LUC7L3: variants seen among roughly 807,000 people sequenced by gnomAD.
LUC7L3 encodes luc7-like protein 3.
Under a neutral mutation model 66.8 loss-of-function variants are expected in LUC7L3, and 6 were observed. That is an observed-to-expected ratio of 0.09 (90% CI 0.05 to 0.18). The LOEUF is 0.18. LUC7L3 is among the 10% of genes least tolerant of loss of function. The probability of loss-of-function intolerance (pLI) is 1.00; values close to 1 mark genes in which losing one functional copy is unlikely to be tolerated. For synonymous variants in LUC7L3, 160 were observed against 174.7 expected (o/e 0.92, Z 0.66); for missense variants, 341 against 531.1 (o/e 0.64, Z 3.52).
intron 2 of LUC7L3, among the ~76,000 whole-genome samples, chr17:50,737,926 AAG>A (rs1177180282): frequency 6.6e-6 from 1 of 152,204 alleles, no homozygotes. Flanking sequence ...GGATACATAA[AAG>A]AAGTCAATTC....
intron 1 of LUC7L3, among the ~76,000 whole-genome samples, chr17:50,729,922 A>G (rs28688415): frequency 5.2e-4 from 18 of 34,366 alleles, no homozygotes; most frequent in East Asian, 1.3e-3. Flanking sequence ...ATATATATAT[A>G]TATATATATA....
intron 7 of LUC7L3, among the ~76,000 whole-genome samples, chr17:50,745,150 C>G (rs994971962): frequency 2.0e-5 from 3 of 152,056 alleles, no homozygotes; most frequent in African/African-American, 7.2e-5. Context: ...CTACCACGCC[C>G]GGCTGATTTT....
At chr17:50,745,569 C>A in intron 7 of LUC7L3, 151 bp from the exon 8 acceptor site, 1 of 580,480 alleles carries the variant, frequency 1.7e-6, no homozygotes, top group Non-Finnish European at 3.1e-6. Context: ...ATAATGATAC[C>A]TTGTGTATAT....
At chr17:50,729,922 ATATATATATATATATATATATATG>A (rs1187408236) in intron 1 of LUC7L3, among the ~76,000 whole-genome samples, 30 of 34,396 alleles carry the variant, frequency 8.7e-4, no homozygotes, top group African/African-American at 1.6e-3. Flanking sequence ...ATATATATAT[ATATATATATATATATATATATATG>A]TATGTATTTT....
intron 1 of LUC7L3, among the ~76,000 whole-genome samples, chr17:50,735,895 G>A (rs1045504925): frequency 3.3e-5 from 5 of 152,340 alleles, no homozygotes; most frequent in Non-Finnish European, 7.3e-5. Context: ...CACGTTGGGA[G>A]GCCAAGACGG....
chr17:50,749,963 T>G (rs766183294), intron 9 of LUC7L3, among the ~76,000 whole-genome samples: 6 of 152,224 alleles, frequency 3.9e-5, no homozygotes, highest in Admixed American at 6.5e-5. Context: ...TTGCTTAGAT[T>G]GGGATTTAAG....
rs1970984462 is a variant in LUC7L3, at chr17:50,751,795, C to T, written c.*1134C>T. 3.0e-6 allele frequency: 3 copies of T among 1,016,850 alleles called. No individual in the cohort carries two copies. Among genetic ancestry groups the T allele is most frequent in the Non-Finnish European group, 3.5e-6 (3 of 848,390 alleles). 63.0% of individuals were successfully genotyped at this position (1,016,850 alleles called of 1,614,324 possible). ...GACAGACACCTTCAATTTGTGAAAT[C>T]AAAGAACTGATGCACTATATAGAAC... is the stretch of plus-strand genomic sequence containing the variant. On this transcript the variant is annotated 3_prime_UTR_variant, in exon 10 of 10. Transcript: ENST00000505658.
Position 50,750,582 on chromosome 17 carries a change from C to G in LUC7L3, c.1220C>G (p.Ser407Trp), listed in dbSNP as rs367899840. 16 of 1,613,906 alleles carry G rather than the reference C, an allele frequency of 9.9e-6. No homozygotes were observed. Among genetic ancestry groups the G allele is most frequent in the Non-Finnish European group, 1.2e-5 (14 of 1,179,948 alleles). ...CAGAGTGAAGACACAAACACTGAAT[C>G]GAAGGAAAGTGATACTAAGAATGAG... ...EKQSEDTNTESKESDTKNEVN... is the reference protein window; with the variant it reads ...EKQSEDTNTEWKESDTKNEVN... Residue 407 changes from serine to tryptophan, a missense_variant, in exon 10 of 10, where the codon TCG becomes TGG. Physicochemically the swap from Ser to Trp is radical, Grantham distance 177. Transcript: ENST00000505658.
At chr17:50,736,846 C>T (rs1970015710) in intron 1 of LUC7L3, 114 bp from the exon 2 acceptor site, 1 of 661,548 alleles carries the variant, frequency 1.5e-6, no homozygotes, top group Non-Finnish European at 2.6e-6. Flanking sequence ...GAAATTCTTA[C>T]ATTGGTTGAA....
chr17:50,723,139 AT>A (rs1968903695), intron 1 of LUC7L3: 1 of 152,268 alleles, frequency 6.6e-6, no homozygotes, highest in East Asian at 1.9e-4. Flanking sequence ...GAGTTTTGTT[AT>A]TTTTTATGTA....
chr17:50,743,490 G>A (rs1352023619), intron 5 of LUC7L3, among the ~76,000 whole-genome samples: 3 of 152,116 alleles, frequency 2.0e-5, no homozygotes, highest in African/African-American at 7.2e-5. Context: ...ACAGGCATGA[G>A]CCATCGCGTC....
chr17:50,738,234 C>CTT (rs974050607), intron 2 of LUC7L3: 1 of 418,962 alleles, frequency 2.4e-6, no homozygotes, highest in African/African-American at 2.1e-5. Flanking sequence ...AAAAGAAAGT[C>CTT]TTACTGCCTG....
chr17:50,738,836 C>G (rs966759199), intron 2 of LUC7L3, among the ~76,000 whole-genome samples: 3 of 151,712 alleles, frequency 2.0e-5, no homozygotes, highest in Non-Finnish European at 2.9e-5. Context: ...TACAAGTGAT[C>G]AGGACAGTGA....
At chr17:50,737,476 C>G (rs1230569128) in intron 2 of LUC7L3, 2 of 322,490 alleles carry the variant, frequency 6.2e-6, no homozygotes, top group Non-Finnish European at 1.2e-5. Flanking sequence ...TTTGGAGGCA[C>G]CAGGTACCAC....
intron 2 of LUC7L3, chr17:50,737,369 G>C: frequency 2.1e-6 from 1 of 469,430 alleles, no homozygotes; most frequent in Non-Finnish European, 4.2e-6. Flanking sequence ...AGCAGCAAAC[G>C]CAACAGAGCA....
intron 1 of LUC7L3, among the ~76,000 whole-genome samples, chr17:50,734,137 G>GT (rs1969824971): frequency 6.6e-6 from 1 of 150,958 alleles, no homozygotes; most frequent in Non-Finnish European, 1.5e-5. Flanking sequence ...TGACAACAAT[G>GT]TTTAAGTTAC....
At chr17:50,731,030 A>G (rs1304238959) in intron 1 of LUC7L3, among the ~76,000 whole-genome samples, 6 of 152,214 alleles carry the variant, frequency 3.9e-5, no homozygotes, top group African/African-American at 1.4e-4. Flanking sequence ...ATGATTATGT[A>G]GGTATTTAGA....
chr17:50,733,017 G>GT (rs1356981696), intron 1 of LUC7L3, among the ~76,000 whole-genome samples: 1 of 152,068 alleles, frequency 6.6e-6, no homozygotes, highest in Non-Finnish European at 1.5e-5. Flanking sequence ...TCGTTTTTTT[G>GT]TTTTTTAATG....
chr17:50,743,800 C>G lies in LUC7L3; in HGVS notation c.521C>G (p.Ser174Cys), dbSNP rs1311385371. The change falls in exon 6 of 10, where the codon TCC (serine) becomes TGC (cysteine). Residue 174 changes from serine to cysteine, a missense_variant. By Grantham distance (112) the Ser-to-Cys change is moderately radical. Around this residue, in one of 6 missense-constraint regions of LUC7L3, gnomAD observed 86 missense variants for 172.0 expected, o/e 0.50. Transcript: ENST00000505658. ...AAAGAAGAGAGAGAACTGCTAAGGTCCACAACGTCGGTGAGTAAACCTTAT... is the reference window on the plus strand; with the variant it reads ...AAAGAAGAGAGAGAACTGCTAAGGTGCACAACGTCGGTGAGTAAACCTTAT... Reference protein sequence around the residue: ...QLKEERELLRSTTSTIESFAA... With the variant: ...QLKEERELLRCTTSTIESFAA... 6.2e-7 allele frequency: 1 copy of G among 1,610,510 alleles called. No individual in the cohort carries two copies. The highest frequency in any genetic ancestry group is 8.5e-7 in the Non-Finnish European group (1 of 1,177,048).
Sources: allele counts gnomAD v4.1 joint callset (sites outside exome capture counted in the v4.1 genomes callset), GRCh38; gene constraint gnomAD v4.1.1; regional missense constraint gnomAD v4.1.1; transcripts MANE v1.5; gene names NCBI Gene and HGNC (gene_info 2026-07-23, HGNC 2026-07-21).